LRFN5: variants seen among roughly 807,000 people sequenced by gnomAD.
LRFN5 encodes leucine-rich repeat and fibronectin type-III domain-containing protein 5.
LRFN5 carries 24 observed loss-of-function variants against 45.6 expected under a neutral mutation model. The ratio of observed to expected loss-of-function variants is 0.53; its 90% CI spans 0.38 to 0.74. The LOEUF is 0.74. Ranked by LOEUF, LRFN5 falls within the 30% of genes least tolerant of loss-of-function variation. The pLI is 0.00. For missense variants in LRFN5, 776 were observed against 861.5 expected, an observed-to-expected ratio of 0.90 and a Z score of 1.24; for synonymous variants, 340 against 313.8, an observed-to-expected ratio of 1.08 and a Z score of -0.88.
Position 41,650,268 on chromosome 14 carries a change from A to ACACACACACACACACACAC in LRFN5, c.-197+41706_-197+41707insCACACACACACACACACAC, listed in dbSNP as rs1437857911. On this transcript the variant is annotated intron_variant, in intron 1 of 5. Coordinates refer to ENST00000298119, the MANE Select transcript of LRFN5 (RefSeq NM_152447.5). ...ACACACACACACACACACACACACA[A>ACACACACACACACACACAC]AAAAAAAAAAGATACTTGCAACACA... is the stretch of plus-strand genomic sequence containing the variant. Among the ~76,000 whole-genome samples, 194 of 129,406 alleles carry ACACACACACACACACACAC rather than the reference A, an allele frequency of 1.5e-3. 1 individual carries two copies. The highest frequency in any genetic ancestry group is 4.0e-3 in the Middle Eastern group (1 of 248). 84.9% of individuals were successfully genotyped at this position (129,406 alleles called of 152,430 possible).
At chr14:41,850,150 A>G (rs1046324201) in intron 2 of LRFN5, among the ~76,000 whole-genome samples, 1 of 151,968 alleles carries the variant, frequency 6.6e-6, no homozygotes, top group Non-Finnish European at 1.5e-5. Context: ...TGTATTATGT[A>G]CATGTATACT....
chr14:41,744,030 A>G lies in LRFN5; in HGVS notation c.-196-22824A>G, dbSNP rs147789304. Among the ~76,000 whole-genome samples, 130 of 152,290 alleles carry G rather than the reference A, an allele frequency of 8.5e-4. No individual in the cohort carries two copies. In the East Asian group the frequency reaches 0.014, roughly 16 times the overall value. On this transcript the variant is annotated intron_variant, in intron 1 of 5. Transcript: ENST00000298119. ...TAAATTCAATCATTTGGTAACTACA[A>G]ATAAAATACTAAAGAATATACACAA...
At chr14:41,778,336 C>G (rs1886366068) in intron 2 of LRFN5, among the ~76,000 whole-genome samples, 2 of 151,576 alleles carry the variant, frequency 1.3e-5, no homozygotes. Flanking sequence ...TTTGTGTGAG[C>G]TTATGCAGAC....
chr14:41,710,747 C>T (rs569233071), intron 1 of LRFN5, among the ~76,000 whole-genome samples: 96 of 152,172 alleles, frequency 6.3e-4, no homozygotes, highest in African/African-American at 2.2e-3. Context: ...TTAGGTATAT[C>T]TCCTAATGTT....
intron 1 of LRFN5, among the ~76,000 whole-genome samples, chr14:41,675,984 C>G (rs1172414970): frequency 1.3e-5 from 2 of 152,154 alleles, no homozygotes; most frequent in South Asian, 2.1e-4. Context: ...ACCACCCCAC[C>G]ACCAGCAGCT....
intron 2 of LRFN5, among the ~76,000 whole-genome samples, chr14:41,841,131 T>C (rs1231238342): frequency 6.6e-6 from 1 of 151,890 alleles, no homozygotes; most frequent in Non-Finnish European, 1.5e-5. Context: ...GTATAAATTA[T>C]ACATAAATAT....
At chr14:41,849,303 C>T (rs1465659946) in intron 2 of LRFN5, among the ~76,000 whole-genome samples, 2 of 151,874 alleles carry the variant, frequency 1.3e-5, no homozygotes, top group East Asian at 3.9e-4. Flanking sequence ...TTAACCCATC[C>T]CTAGGTCTTC....
intron 1 of LRFN5, among the ~76,000 whole-genome samples, chr14:41,689,105 A>C (rs1202047960): frequency 1.3e-5 from 2 of 151,760 alleles, no homozygotes; most frequent in African/African-American, 4.8e-5. Flanking sequence ...TAAAATAATA[A>C]TAATAAATAA....
chr14:41,845,693 A>G (rs1309148277), intron 2 of LRFN5, among the ~76,000 whole-genome samples: 1 of 152,178 alleles, frequency 6.6e-6, no homozygotes, highest in East Asian at 1.9e-4. Context: ...ATTAGGTGCA[A>G]CTAGCAACAG....
intron 1 of LRFN5, among the ~76,000 whole-genome samples, chr14:41,711,431 G>T (rs967051100): frequency 6.6e-6 from 1 of 152,098 alleles, no homozygotes; most frequent in Non-Finnish European, 1.5e-5. Flanking sequence ...CAGCCCTGGA[G>T]AGTAACATCT....
chr14:41,609,339 T>G (rs1189973212), intron 1 of LRFN5, among the ~76,000 whole-genome samples: 1 of 151,990 alleles, frequency 6.6e-6, no homozygotes, highest in Non-Finnish European at 1.5e-5. Context: ...GTTGTTTGTT[T>G]GTTTGTTTTA....
chr14:41,759,583 CTGA>C (rs1329558143), intron 1 of LRFN5, among the ~76,000 whole-genome samples: 1 of 152,006 alleles, frequency 6.6e-6, no homozygotes, highest in Non-Finnish European at 1.5e-5. Flanking sequence ...GGTAAAGACT[CTGA>C]TTAACACCAG....
intron 1 of LRFN5, among the ~76,000 whole-genome samples, chr14:41,733,794 T>C (rs1884283957): frequency 6.6e-6 from 1 of 151,650 alleles, no homozygotes; most frequent in Admixed American, 6.6e-5. Context: ...TTTTGTTTTC[T>C]ACACAATTTA....
intron 1 of LRFN5, among the ~76,000 whole-genome samples, chr14:41,744,870 T>G (rs1471598725): frequency 6.6e-6 from 1 of 152,146 alleles, no homozygotes; most frequent in African/African-American, 2.4e-5. Context: ...CATTTACACG[T>G]AGTAATTGAC....
intron 2 of LRFN5, among the ~76,000 whole-genome samples, chr14:41,832,744 A>G (rs1888529441): frequency 6.6e-6 from 1 of 152,146 alleles, no homozygotes; most frequent in Non-Finnish European, 1.5e-5. Context: ...ACAATGTGTT[A>G]TCACTCCGAT....
chr14:41,646,904 A>C (rs1203255011), intron 1 of LRFN5, among the ~76,000 whole-genome samples: 1 of 152,112 alleles, frequency 6.6e-6, no homozygotes, highest in African/African-American at 2.4e-5. Context: ...ATCAAGCCAC[A>C]CTCTGGGTGC....
chr14:41,619,596 T>G (rs1228590215), intron 1 of LRFN5, among the ~76,000 whole-genome samples: 2 of 152,080 alleles, frequency 1.3e-5, no homozygotes, highest in Non-Finnish European at 2.9e-5. Context: ...CTTTAGAATC[T>G]AATGTAAGAT....
At chr14:41,859,577 T>G (rs373976330) in intron 2 of LRFN5, among the ~76,000 whole-genome samples, 13 of 152,342 alleles carry the variant, frequency 8.5e-5, no homozygotes, top group African/African-American at 2.9e-4. Flanking sequence ...CAGCGGTCAC[T>G]GTGCCTACTT....
At chr14:41,785,307 G>C (rs1886678569) in intron 2 of LRFN5, among the ~76,000 whole-genome samples, 1 of 151,752 alleles carries the variant, frequency 6.6e-6, no homozygotes, top group African/African-American at 2.4e-5. Context: ...TGTTATTTTT[G>C]TTCTATTTGT....
Sources: gnomAD v4.1 joint callset for allele counts (sites outside exome capture counted in the v4.1 genomes callset) on GRCh38, gnomAD v4.1.1 for gene constraint, MANE v1.5 for transcripts, NCBI Gene and HGNC (gene_info 2026-07-23, HGNC 2026-07-21) for gene names.